BOD1L1: variants seen among roughly 807,000 people sequenced by gnomAD.
BOD1L1 encodes biorientation of chromosomes in cell division 1 like 1, also known as biorientation of chromosomes in cell division protein 1-like 1.
BOD1L1 carries 86 observed loss-of-function variants against 240.7 expected under a neutral mutation model. The observed-to-expected ratio is 0.36, with a 90% CI of 0.30 to 0.43. The LOEUF is 0.43. Among genes scored for constraint, BOD1L1 ranks in the 20% least tolerant of loss-of-function variants. BOD1L1 has a pLI of 1.00. For synonymous variants in BOD1L1, 1,268 were observed against 1,272.3 expected (o/e 1.00, Z 0.07); for missense variants, 3,554 against 3,643.5 (o/e 0.98, Z 0.63).
chr4:13,605,203 T>C (rs1258551564), intron 9 of BOD1L1, 119 bp from the exon 10 acceptor site: 6 of 862,806 alleles, frequency 7.0e-6, no homozygotes, highest in Non-Finnish European at 9.6e-6. Context: ...TCTCACTTAA[T>C]TCTTACAAAC....
At chr4:13,615,232 T>TA (rs1266738162) in intron 3 of BOD1L1, 80 bp downstream of exon 3, 10 of 1,374,770 alleles carry the variant, frequency 7.3e-6, no homozygotes, top group Non-Finnish European at 9.8e-6. Context: ...AAAAATGTGT[T>TA]AAAGAGCCAA....
At position 13,602,670 on chromosome 4, in the gene BOD1L1, G is replaced by C; in HGVS notation, c.4230C>G (p.Ala1410=). The C allele has an allele frequency of 6.2e-7, 1 of 1,613,774 alleles. No individual in the cohort carries two copies. Among genetic ancestry groups the C allele is most frequent in the Admixed American group, 1.7e-5 (1 of 60,006 alleles). ...CTGCATTTAAGTCATTTTCTTTCTT[G>C]GCCATGTCCACTAAGCCACCTTCTT... is the stretch of plus-strand genomic sequence containing the variant. ...ITKEGGLVDM[A]KKENDLNAEP... The change falls in exon 10 of 26, where the codon GCC becomes GCG. Residue 1410 remains alanine (A), a synonymous_variant. Coordinates refer to ENST00000040738, the MANE Select transcript of BOD1L1 (RefSeq NM_148894.3).
chr4:13,622,010 A>G (rs1293984171), intron 1 of BOD1L1, among the ~76,000 whole-genome samples: 1 of 151,698 alleles, frequency 6.6e-6, no homozygotes, highest in Non-Finnish European at 1.5e-5. Context: ...GACTACAGGC[A>G]TGCGCCACCA....
Position 13,600,121 on chromosome 4 carries a change from G to A in BOD1L1, c.6779C>T (p.Ser2260Leu). The A allele has an allele frequency of 3.1e-6, 5 of 1,613,882 alleles. No homozygotes were observed. Among genetic ancestry groups the A allele is most frequent in the Non-Finnish European group, 3.4e-6 (4 of 1,179,870 alleles). ...CACTGGGCCCTCACAGTCTTCCACC[G>A]AGCTCGTAGAGATGATGCCACTCCC... ...KDGSGIISTSSVEDCEGPVSS... is the reference protein window; with the variant it reads ...KDGSGIISTSLVEDCEGPVSS... The change falls in exon 10 of 26, where the codon TCG becomes TTG. Residue 2260 changes from serine to leucine, a missense_variant. Ser to Leu is a moderately radical substitution (Grantham distance 145, BLOSUM62 -2). Coordinates refer to ENST00000040738, the MANE Select transcript of BOD1L1 (RefSeq NM_148894.3).
rs747519166 is a variant in BOD1L1, at chr4:13,613,670, G to A, written c.1175-9C>T. Reference sequence around the variant, plus strand: ...ATCTATCAAAGAGAAATCTTCAAGCGGAAAATAAAACACAGAAAAAAAAAT... The same window carrying A: ...ATCTATCAAAGAGAAATCTTCAAGCAGAAAATAAAACACAGAAAAAAAAAT... On this transcript the variant is annotated splice_polypyrimidine_tract_variant and intron_variant, in intron 4 of 25. Transcript: ENST00000040738. The surrounding 1 kb of genome is among the most constrained non-coding windows in gnomAD (Gnocchi z 4.0). The A allele has an allele frequency of 2.0e-5, 30 of 1,490,770 alleles. No homozygotes were observed. The highest frequency in any genetic ancestry group is 3.6e-4 in the Middle Eastern group (2 of 5,568). The allele number at this position is 1,490,770 out of a possible 1,614,324, so 92.3% of individuals were successfully genotyped here. A position where few individuals can be genotyped will look rare whatever the true frequency, so the allele number is the denominator to read the frequency against.
chr4:13,573,446 A>ATCTATCTATCTATCTATCTG (rs1712396354), intron 25 of BOD1L1, among the ~76,000 whole-genome samples: 1 of 120,042 alleles, frequency 8.3e-6, no homozygotes, highest in South Asian at 2.7e-4. Flanking sequence ...CTGTCTGTCT[A>ATCTATCTATCTATCTATCTG]TCTATCTATC....
chr4:13,618,238 A>G (rs548882920), intron 2 of BOD1L1, among the ~76,000 whole-genome samples: 14 of 152,344 alleles, frequency 9.2e-5, no homozygotes, highest in East Asian at 5.8e-4. Context: ...GAGTGTCAAT[A>G]TATGAAGAAA....
intron 17 of BOD1L1, among the ~76,000 whole-genome samples, chr4:13,584,409 T>C (rs2108899600): frequency 1.3e-5 from 2 of 150,688 alleles, no homozygotes; most frequent in African/African-American, 4.9e-5. Context: ...TCAGCATGTG[T>C]GCGTGTGTGG....
At chr4:13,584,043 A>G (rs1713444109) in intron 17 of BOD1L1, among the ~76,000 whole-genome samples, 1 of 152,246 alleles carries the variant, frequency 6.6e-6, no homozygotes, top group South Asian at 2.1e-4. Context: ...GTCAGAGGAG[A>G]GCTCACTTTC....
Position 13,600,272 on chromosome 4 carries a change from T to C in BOD1L1, c.6628A>G (p.Lys2210Glu). ...AGAGCACATTCATCCTTCTCCTCCT[T>C]GCTGGTTGAGGCAAGAGGACTTTCA... ...EAESPLASTS[K>E]EEKDECALIS... Residue 2210 changes from lysine (K) to glutamate (E), a missense_variant, in exon 10 of 26, where the codon AAG becomes GAG. Lys to Glu is a moderately conservative substitution (Grantham distance 56, BLOSUM62 1). Coordinates refer to ENST00000040738, the MANE Select transcript of BOD1L1 (RefSeq NM_148894.3). The C allele has an allele frequency of 1.2e-6, 2 of 1,614,028 alleles. No individual in the cohort carries two copies. The highest frequency in any genetic ancestry group is 1.1e-5 in the South Asian group (1 of 91,080).
At position 13,617,302 on chromosome 4, in the gene BOD1L1, C is replaced by T. The variant is rs552461875; in HGVS notation, c.369-1800G>A. On this transcript the variant is annotated intron_variant, in intron 2 of 25. Coordinates refer to ENST00000040738, the MANE Select transcript of BOD1L1 (RefSeq NM_148894.3). ...AGTACCAAAAAAAAATTAAACTATC[C>T]ACTCCCAAATTTTTGCTTCAGTCTC... 4.0e-5 allele frequency among the ~76,000 whole-genome samples: 6 copies of T among 151,784 alleles called. No homozygotes were observed. In the South Asian group the frequency reaches 1.2e-3, roughly 32 times the overall value.
Position 13,601,865 on chromosome 4 carries a change from T to G in BOD1L1, c.5035A>C (p.Thr1679Pro). ...TCACTTTCAACTTCACTAATAAAAGTAATAGTTCCTTCAACTATTTCTGAG... is the reference window on the plus strand; with the variant it reads ...TCACTTTCAACTTCACTAATAAAAGGAATAGTTCCTTCAACTATTTCTGAG... ...RDSEIVEGTI[T>P]FISEVESDGA... Residue 1679 changes from threonine (T) to proline (P), a missense_variant, in exon 10 of 26, where the codon ACT (threonine) becomes CCT (proline). Thr to Pro is a conservative substitution (Grantham distance 38). This residue lies in a region of BOD1L1 where 3,393 missense variants were observed against 3,427.1 expected (regional missense o/e 0.99). Transcript: ENST00000040738. 1.2e-6 allele frequency: 2 copies of G among 1,614,010 alleles called. No homozygotes were observed. Among genetic ancestry groups the G allele is most frequent in the African/African-American group, 2.7e-5 (2 of 75,068 alleles).
In BOD1L1 at chr4:13,580,126, G is replaced by A. The variant is rs907913398; in HGVS notation, c.8704-153C>T. ...TTCTGTAATTGATTAAGTATACCTAGCAAACATGGATGCCTGAGCTTCTAA... is the reference window on the plus strand; with the variant it reads ...TTCTGTAATTGATTAAGTATACCTAACAAACATGGATGCCTGAGCTTCTAA... On this transcript the variant is annotated intron_variant, in intron 21 of 25. Coordinates refer to ENST00000040738, the MANE Select transcript of BOD1L1 (RefSeq NM_148894.3). The A allele has an allele frequency of 7.2e-5, 42 of 582,682 alleles. 1 individual carries two copies. In the Admixed American group the frequency reaches 1.3e-3, roughly 17 times the overall value. 36.1% of individuals were successfully genotyped at this position (582,682 alleles called of 1,614,324 possible).
rs1715143688 is a variant in BOD1L1, at chr4:13,601,393, T to G, written c.5507A>C (p.Lys1836Thr). The change falls in exon 10 of 26, where the codon AAA becomes ACA. Residue 1836 changes from lysine (K) to threonine (T), a missense_variant. This residue lies in a region of BOD1L1 where 3,393 missense variants were observed against 3,427.1 expected (regional missense o/e 0.99). Transcript: ENST00000040738. ...AACTAATGGTACATTAGTGCCTTCT[T>G]TGGCCACTGTGCTGTCCATTGCACT... Reference protein sequence around the residue: ...GESAMDSTVAKEGTNVPLVAA... With the variant: ...GESAMDSTVATEGTNVPLVAA... 6.2e-7 allele frequency: 1 copy of G among 1,613,932 alleles called. No individual in the cohort carries two copies. The highest frequency in any genetic ancestry group is 1.3e-5 in the African/African-American group (1 of 74,926).
rs748432972 is a variant in BOD1L1 at position 13,577,462 on chromosome 4, G to C, written c.8825C>G (p.Thr2942Arg). 1 of 1,613,664 alleles carries C rather than the reference G, an allele frequency of 6.2e-7. No individual in the cohort carries two copies. The highest frequency in any genetic ancestry group is 8.5e-7 in the Non-Finnish European group (1 of 1,179,766). ...SNDDGEEKIV[T>R]SVRRRGRKPK... is the part of the protein sequence containing the mutation. Reference sequence around the variant, plus strand: ...TTTTCTTCCTCTCCGACGCACACTTGTTACTATTTTTTCTTCACCATCATC... The same window carrying C: ...TTTTCTTCCTCTCCGACGCACACTTCTTACTATTTTTTCTTCACCATCATC... Residue 2942 changes from threonine (T) to arginine (R), a missense_variant, in exon 24 of 26, where the codon ACA becomes AGA. Transcript: ENST00000040738.
At chr4:13,609,499 G>T in intron 6 of BOD1L1, 93 bp from the exon 7 acceptor site, 1 of 770,504 alleles carries the variant, frequency 1.3e-6, no homozygotes. Context: ...TTACCCTTCA[G>T]ATGTTCTTAC....
chr4:13,582,616 G>A, intron 18 of BOD1L1, 36 bp downstream of exon 18: 1 of 1,474,048 alleles, frequency 6.8e-7, no homozygotes, highest in South Asian at 1.1e-5. Flanking sequence ...TGCTTTGAAG[G>A]CTCAGTCAAT....
intron 2 of BOD1L1, among the ~76,000 whole-genome samples, chr4:13,617,062 T>C (rs546539051): frequency 9.2e-5 from 14 of 151,744 alleles, no homozygotes; most frequent in East Asian, 3.9e-4. Flanking sequence ...CTGGCCAACA[T>C]GGTGAAACCT....
chr4:13,573,239 TA>T, intron 25 of BOD1L1, among the ~76,000 whole-genome samples: 2 of 152,264 alleles, frequency 1.3e-5, no homozygotes, highest in South Asian at 4.1e-4. Context: ...AAGAATCAGA[TA>T]AGGAATTCTG....
Sources: allele counts gnomAD v4.1 joint callset (sites outside exome capture counted in the v4.1 genomes callset), GRCh38; gene constraint gnomAD v4.1.1; regional missense constraint gnomAD v4.1.1; non-coding constraint Gnocchi (gnomAD v3.1); transcripts MANE v1.5; gene names NCBI Gene and HGNC (gene_info 2026-07-23, HGNC 2026-07-21).